The following MICAL2 variants were observed in gnomAD, a reference collection of about 807,000 sequenced individuals.
MICAL2 encodes [F-actin]-monooxygenase MICAL2.
MICAL2 carries 77 observed loss-of-function variants against 127.3 expected under a neutral mutation model. That is an observed-to-expected ratio of 0.60 (90% CI 0.50 to 0.73). MICAL2 has a LOEUF of 0.73. Ranked by LOEUF, MICAL2 falls within the 30% of genes least tolerant of loss-of-function variation. The probability of loss-of-function intolerance (pLI) is 0.00; values close to 1 mark genes in which losing one functional copy is unlikely to be tolerated. For synonymous variants in MICAL2, 570 were observed against 551.1 expected, an observed-to-expected ratio of 1.03 and a Z score of -0.48; for missense variants, 1,351 against 1,434.4, an observed-to-expected ratio of 0.94 and a Z score of 0.94.
intron 3 of MICAL2, among the ~76,000 whole-genome samples, chr11:12,189,630 T>C (rs1858810609): frequency 1.3e-5 from 2 of 152,222 alleles, no homozygotes; most frequent in Admixed American, 6.5e-5. Context: ...GATTTTGAGC[T>C]GGAGACTCAG....
At chr11:12,112,119 A>G (rs1849656160) in intron 1 of MICAL2, among the ~76,000 whole-genome samples, 1 of 152,174 alleles carries the variant, frequency 6.6e-6, no homozygotes, top group African/African-American at 2.4e-5. Flanking sequence ...AGGTCACACA[A>G]CAAGTGTCTG....
At chr11:12,251,942 T>C (rs1480493874) in intron 22 of MICAL2, among the ~76,000 whole-genome samples, 1 of 152,234 alleles carries the variant, frequency 6.6e-6, no homozygotes, top group African/African-American at 2.4e-5. Context: ...AGTCTCTGCT[T>C]ACTCAGGGGA....
Position 12,282,365 on chromosome 11 carries a change from C to A in MICAL2, c.254+1266C>A, listed in dbSNP as rs144606777. ...ACTGCGTGGCCTTGGTGTACCCTTC[C>A]ATCCCCCTGGGCTCCAGCTCCCCAT... On this transcript the variant is annotated intron_variant, in intron 2 of 2. Coordinates refer to the MICAL2 transcript ENST00000529028. Among the ~76,000 whole-genome samples the A allele has an allele frequency of 4.8e-3, 733 of 152,292 alleles. 7 individuals are homozygous for A. The highest frequency in any genetic ancestry group is 0.017 in the African/African-American group (705 of 41,564).
rs940101707 is a variant in MICAL2, at chr11:12,349,991, G to C, written c.5615+54G>C. 1.0e-5 allele frequency: 15 copies of C among 1,505,850 alleles called. No individual in the cohort carries two copies. The Middle Eastern group carries it at 6.9e-4, about 69-fold the overall frequency. The allele number at this position is 1,505,850 out of a possible 1,614,324, so 93.3% of individuals were successfully genotyped here. ...GTCCTAAAAGCAAAGGGGCAAAGGG[G>C]GGTGGCTTACCCTCCTAGGCCGAAG... On this transcript the variant is annotated intron_variant, in intron 33 of 34. Transcript: ENST00000646065.
intron 32 of MICAL2, among the ~76,000 whole-genome samples, chr11:12,331,997 A>C (rs961753705): frequency 6.6e-6 from 1 of 152,206 alleles, no homozygotes; most frequent in Non-Finnish European, 1.5e-5. Flanking sequence ...TTTGTAATAC[A>C]TGAATTTTGC....
At chr11:12,223,612 CT>C in intron 12 of MICAL2, 111 bp downstream of exon 12, 1 of 925,548 alleles carries the variant, frequency 1.1e-6, no homozygotes, top group Non-Finnish European at 1.7e-6. Context: ...GGCTCTGCCC[CT>C]TTACCTGTGT....
intron 9 of MICAL2, 89 bp downstream of exon 9, chr11:12,220,547 G>A (rs1035768159): frequency 1.7e-5 from 25 of 1,507,806 alleles, no homozygotes; most frequent in African/African-American, 1.5e-4. Context: ...GTTGTGCAGC[G>A]GGGAGAGGAC....
At chr11:12,232,524 AC>A (rs1222424486) in intron 15 of MICAL2, among the ~76,000 whole-genome samples, 1 of 152,184 alleles carries the variant, frequency 6.6e-6, no homozygotes, top group Non-Finnish European at 1.5e-5. Flanking sequence ...GGAGTTCAAG[AC>A]CAGCCTGGCC....
intron 26 of MICAL2, chr11:12,260,613 C>T: frequency 3.0e-6 from 3 of 988,154 alleles, no homozygotes; most frequent in Non-Finnish European, 2.4e-6. Flanking sequence ...GTGCCATCTC[C>T]TGACCAGTGC....
At chr11:12,217,286 T>A (rs1253951471) in intron 8 of MICAL2, among the ~76,000 whole-genome samples, 1 of 152,232 alleles carries the variant, frequency 6.6e-6, no homozygotes, top group African/African-American at 2.4e-5. Flanking sequence ...TGCAGCTATC[T>A]TCTTTCCTGC....
At position 12,230,581 on chromosome 11, in the gene MICAL2, T is replaced by C. The variant is rs560605640; in HGVS notation, c.1995+3450T>C. On this transcript the variant is annotated intron_variant, in intron 15 of 27. Coordinates refer to ENST00000683283, the MANE Select transcript of MICAL2 (RefSeq NM_001282663.2). ...TGTCTTCCAGAGGAATATATTGATA[T>C]GGGAATTGAGCTGTGAGTGCACATT... 5.3e-5 allele frequency among the ~76,000 whole-genome samples: 8 copies of C among 152,288 alleles called. No individual in the cohort carries two copies. In the East Asian group the frequency reaches 1.5e-3, roughly 29 times the overall value.
Position 12,226,389 on chromosome 11 carries a change from G to A in MICAL2, c.1888+19G>A. ...CCCGTGGGTAAGCACCTGCACAGAG[G>A]TTTTGCTTAGCCCCTTGAGCCAACT... On this transcript the variant is annotated intron_variant, in intron 14 of 27. Transcript: ENST00000683283. 6.2e-7 allele frequency: 1 copy of A among 1,612,234 alleles called. No individual in the cohort carries two copies. Among genetic ancestry groups the A allele is most frequent in the Admixed American group, 1.7e-5 (1 of 59,998 alleles).
intron 9 of MICAL2, among the ~76,000 whole-genome samples, chr11:12,220,786 G>A (rs1856726865): frequency 6.6e-6 from 1 of 152,202 alleles, no homozygotes; most frequent in African/African-American, 2.4e-5. Context: ...CAGCTGGGCC[G>A]AGACTTCTTC....
intron 32 of MICAL2, among the ~76,000 whole-genome samples, chr11:12,343,627 G>T (rs1452041278): frequency 6.6e-6 from 1 of 152,090 alleles, no homozygotes; most frequent in African/African-American, 2.4e-5. Context: ...GAACGTGTGG[G>T]TATAATGCAG....
intron 1 of MICAL2, among the ~76,000 whole-genome samples, chr11:12,130,838 G>A (rs1851354974): frequency 6.6e-6 from 1 of 152,202 alleles, no homozygotes; most frequent in South Asian, 2.1e-4. Flanking sequence ...CACAGACTGG[G>A]AATTGGCAAA....
At chr11:12,177,770 G>T (rs576058177) in intron 3 of MICAL2, among the ~76,000 whole-genome samples, 1 of 152,098 alleles carries the variant, frequency 6.6e-6, no homozygotes, top group African/African-American at 2.4e-5. Context: ...GGTGTCTGAG[G>T]TTTGTCTCCA....
chr11:12,170,537 C>T (rs1338326959), intron 3 of MICAL2, among the ~76,000 whole-genome samples: 1 of 152,170 alleles, frequency 6.6e-6, no homozygotes, highest in African/African-American at 2.4e-5. Flanking sequence ...AAATCAAATG[C>T]ACTTATATTT....
chr11:12,137,240 G>A (rs1851916091), intron 1 of MICAL2, among the ~76,000 whole-genome samples: 1 of 152,104 alleles, frequency 6.6e-6, no homozygotes, highest in Non-Finnish European at 1.5e-5. Flanking sequence ...CTGCCCAGGT[G>A]GCCGCCCTTG....
rs867294666 is a variant in MICAL2, at chr11:12,153,214, T to A, written c.-77-8865T>A. 1.9e-3 allele frequency: 286 copies of A among 152,108 alleles called. 1 individual carries two copies. Among genetic ancestry groups the A allele is most frequent in the African/African-American group, 6.6e-3 (272 of 41,486 alleles). 9.4% of individuals were successfully genotyped at this position (152,108 alleles called of 1,614,324 possible). A position where few individuals can be genotyped will look rare whatever the true frequency, so the allele number is the denominator to read the frequency against. The stretch of plus-strand genomic sequence containing the variant: ...CCACACCCGGCTAATTTTTCTTTGT[T>A]TTTTTGTAGAGACAGAGTCTCACTG... On this transcript the variant is annotated intron_variant, in intron 2 of 27. Coordinates refer to ENST00000683283, the MANE Select transcript of MICAL2 (RefSeq NM_001282663.2).
Sources: gnomAD v4.1 joint callset for allele counts (sites outside exome capture counted in the v4.1 genomes callset) on GRCh38, gnomAD v4.1.1 for gene constraint, MANE v1.5 for transcripts, NCBI Gene and HGNC (gene_info 2026-07-23, HGNC 2026-07-21) for gene names.